Variants in UBN2 observed in about 807,000 individuals in gnomAD.
UBN2 encodes ubinuclein 2.
A neutral mutation model predicts 120.2 loss-of-function variants in UBN2; 35 were observed. The observed-to-expected ratio is 0.29, with a 90% CI of 0.22 to 0.39. The LOEUF is 0.39. Among genes scored for constraint, UBN2 ranks in the 10% least tolerant of loss-of-function variants. The pLI is 1.00. For missense variants in UBN2, 1,693 were observed against 1,663.2 expected, an observed-to-expected ratio of 1.02 and a Z score of -0.31; for synonymous variants, 661 against 648.7, an observed-to-expected ratio of 1.02 and a Z score of -0.29.
chr7:139,273,817 A>G, intron 10 of UBN2, 114 bp from the exon 11 acceptor site: 1 of 876,886 alleles, frequency 1.1e-6, no homozygotes, highest in Non-Finnish European at 1.7e-6. Context: ...GCAATGAATG[A>G]TATATGTTAG....
At position 139,305,762 on chromosome 7, in the gene UBN2, T is replaced by C. The variant is rs1488256192; in HGVS notation, c.*7926T>C. The C allele has an allele frequency of 6.6e-6, 1 of 152,182 alleles. No homozygotes were observed. Among genetic ancestry groups the C allele is most frequent in the Admixed American group, 6.5e-5 (1 of 15,280 alleles). The allele number at this position is 152,182 out of a possible 1,614,324, so 9.4% of individuals were successfully genotyped here. A position where few individuals can be genotyped will look rare whatever the true frequency, so the allele number is the denominator to read the frequency against. On this transcript the variant is annotated 3_prime_UTR_variant, in exon 18 of 18. Coordinates refer to ENST00000473989, the MANE Select transcript of UBN2 (RefSeq NM_173569.4). Reference sequence around the variant, plus strand: ...GGACTAGAGGTGTTCTTTTTTTTCCTCTTCTCCTTTGTATTAAAAAATAGA... The same window carrying C: ...GGACTAGAGGTGTTCTTTTTTTTCCCCTTCTCCTTTGTATTAAAAAATAGA...
At chr7:139,276,872 C>T (rs999294882) in intron 12 of UBN2, 2 of 154,970 alleles carry the variant, frequency 1.3e-5, no homozygotes, top group South Asian at 2.0e-4. Context: ...GAGACTGGCC[C>T]GGGCAACATG....
At chr7:139,291,570 G>C (rs1010762396) in intron 15 of UBN2, among the ~76,000 whole-genome samples, 4 of 152,052 alleles carry the variant, frequency 2.6e-5, no homozygotes, top group Admixed American at 6.6e-5. Flanking sequence ...AAAAATGTTG[G>C]CCAGGCATGG....
At chr7:139,267,668 G>A (rs1797141461) in intron 7 of UBN2, among the ~76,000 whole-genome samples, 1 of 152,114 alleles carries the variant, frequency 6.6e-6, no homozygotes, top group African/African-American at 2.4e-5. Flanking sequence ...GTGAAGAAGG[G>A]CTGATTGATC....
rs1449666529 is a variant in UBN2, at chr7:139,293,423, G to A, written c.3861G>A (p.Ser1287=). Reference sequence around the variant, plus strand: ...ACACAGCTGGAGTGACAACCACCTCGGGATCTACCTCAGCCGCTTTCCACC... The same window carrying A: ...ACACAGCTGGAGTGACAACCACCTCAGGATCTACCTCAGCCGCTTTCCACC... ...GTDTAGVTTT[S]GSTSAAFHHS... Residue 1287 remains serine (S), a synonymous_variant, in exon 16 of 18, where the codon TCG becomes TCA. Coordinates refer to ENST00000473989, the MANE Select transcript of UBN2 (RefSeq NM_173569.4). 6.8e-6 allele frequency: 11 copies of A among 1,614,084 alleles called. No homozygotes were observed. The highest frequency in any genetic ancestry group is 4.5e-5 in the East Asian group (2 of 44,868).
At chr7:139,277,888 C>T (rs751511465) in intron 12 of UBN2, among the ~76,000 whole-genome samples, 3 of 152,042 alleles carry the variant, frequency 2.0e-5, no homozygotes, top group Non-Finnish European at 4.4e-5. Flanking sequence ...TTTTAGTTTA[C>T]AAATTAGGCA....
Position 139,282,175 on chromosome 7 carries a change from T to G in UBN2, c.2118+120T>G, listed in dbSNP as rs1333042273. ...CTTTTATGTAATAGGCTTTTGCTTC[T>G]CAGTCTTAAAAATAAAATGAGTCAA... On this transcript the variant is annotated intron_variant, in intron 14 of 17. Transcript: ENST00000473989. 9 of 712,290 alleles carry G rather than the reference T, an allele frequency of 1.3e-5. No individual in the cohort carries two copies. The African/African-American group carries it at 1.6e-4, about 13-fold the overall frequency. The allele number at this position is 712,290 out of a possible 1,614,324, so 44.1% of individuals were successfully genotyped here.
At chr7:139,271,445 G>T (rs1232964770) in intron 8 of UBN2, among the ~76,000 whole-genome samples, 1 of 152,106 alleles carries the variant, frequency 6.6e-6, no homozygotes, top group East Asian at 1.9e-4. Context: ...TATTTGTTGG[G>T]TGTGGTGGCA....
rs1391518017 is a variant in UBN2 at position 139,304,256 on chromosome 7, A to G, written c.*6420A>G. 1 of 152,096 alleles carries G rather than the reference A, an allele frequency of 6.6e-6. No homozygotes were observed. Among genetic ancestry groups the G allele is most frequent in the African/African-American group, 2.4e-5 (1 of 41,400 alleles). The allele number at this position is 152,096 out of a possible 1,614,324, so 9.4% of individuals were successfully genotyped here. ...TTCAACCCATGAAAGAGGTGGAGCC[A>G]TCAGCTGCTCAGGTTGTAAGAAAAT... On this transcript the variant is annotated 3_prime_UTR_variant, in exon 18 of 18. Coordinates refer to ENST00000473989, the MANE Select transcript of UBN2 (RefSeq NM_173569.4).
chr7:139,322,616 A>ATTTTT, the UBN2 span, among the ~76,000 whole-genome samples: 4 of 99,830 alleles, frequency 4.0e-5, no homozygotes, highest in Non-Finnish European at 6.0e-5. Context: ...TACCATCTGG[A>ATTTTT]CTTTTTTTTT....
At chr7:139,316,313 GT>G in the UBN2 span, among the ~76,000 whole-genome samples, 11 of 151,962 alleles carry the variant, frequency 7.2e-5, no homozygotes, top group Non-Finnish European at 1.2e-4. Flanking sequence ...AAGTATAAAA[GT>G]ACTTATTCCA....
rs973246415 is a variant in UBN2 at position 139,273,819 on chromosome 7, A to G, written c.1830-112A>G. ...GTTTGACTGTGGTGCAATGAATGAT[A>G]TATGTTAGAAATTGTTTGTTATTTT... On this transcript the variant is annotated intron_variant, in intron 10 of 17. Transcript: ENST00000473989. 5.6e-6 allele frequency: 5 copies of G among 888,386 alleles called. No homozygotes were observed. The African/African-American group carries it at 8.7e-5, about 15-fold the overall frequency. 55.0% of individuals were successfully genotyped at this position (888,386 alleles called of 1,614,324 possible). A position where few individuals can be genotyped will look rare whatever the true frequency, so the allele number is the denominator to read the frequency against.
At chr7:139,317,186 GTAT>G in the UBN2 span, among the ~76,000 whole-genome samples, 1 of 151,544 alleles carries the variant, frequency 6.6e-6, no homozygotes, top group African/African-American at 2.4e-5. Context: ...TCATTAATCT[GTAT>G]TATTATTATT....
intron 2 of UBN2, 53 bp downstream of exon 2, chr7:139,237,150 C>CTAATAAACTGATCACTTAGGTAAT: frequency 1.5e-6 from 2 of 1,339,550 alleles, no homozygotes; most frequent in Non-Finnish European, 2.1e-6. Context: ...GACCTGTTTG[C>CTAATAAACTGATCACTTAGGTAAT]TTTCTGTGGC....
At chr7:139,234,292 T>TA (rs996168796) in intron 1 of UBN2, among the ~76,000 whole-genome samples, 8 of 150,766 alleles carry the variant, frequency 5.3e-5, no homozygotes, top group East Asian at 1.9e-4. Context: ...GTGGGGCTAT[T>TA]AAAAAAAAAC....
At chr7:139,240,161 A>G (rs78100517) in intron 2 of UBN2, among the ~76,000 whole-genome samples, 7,387 of 151,926 alleles carry the variant, frequency 0.049, 267 homozygotes, top group Non-Finnish European at 0.074. Context: ...AATGGGCTAT[A>G]TTTCTTCTCT....
downstream of UBN2, among the ~76,000 whole-genome samples, chr7:139,311,434 CAG>C (rs1798445651): frequency 6.6e-6 from 1 of 152,200 alleles, no homozygotes; most frequent in Admixed American, 6.5e-5. Context: ...AGGTTGACAG[CAG>C]ACAGACGGGT....
In UBN2 at chr7:139,283,629, T is replaced by C. The variant is rs755116463; in HGVS notation, c.2724T>C (p.Ser908=). 1 of 1,614,180 alleles carries C rather than the reference T, an allele frequency of 6.2e-7. No homozygotes were observed. The highest frequency in any genetic ancestry group is 8.5e-7 in the Non-Finnish European group (1 of 1,180,038). Residue 908 remains serine, a synonymous_variant, in exon 15 of 18, where the codon TCT becomes TCC. Transcript: ENST00000473989. The part of the protein sequence containing the change: ...SSSSQAQIAA[S]SHALGTSEAQ... ...CTTCCCAAGCCCAAATTGCTGCCTC[T>C]TCTCATGCTCTGGGAACATCCGAGG... is the stretch of plus-strand genomic sequence containing the variant.
At chr7:139,323,015 T>G in the UBN2 span, among the ~76,000 whole-genome samples, 20 of 152,216 alleles carry the variant, frequency 1.3e-4, no homozygotes, top group Non-Finnish European at 1.6e-4. Context: ...CTTGTCTGTT[T>G]TGAGTTTCAT....
Sources: gnomAD v4.1 joint callset for allele counts (sites outside exome capture counted in the v4.1 genomes callset) on GRCh38, gnomAD v4.1.1 for gene constraint, MANE v1.5 for transcripts, NCBI Gene and HGNC (gene_info 2026-07-23, HGNC 2026-07-21) for gene names.